The following AKAP12 variants were observed in gnomAD, a reference collection of about 807,000 sequenced individuals.
AKAP12 encodes A-kinase anchor protein 12.
In AKAP12, 32 loss-of-function variants were observed where a neutral mutation model predicts 79.9. That is an observed-to-expected ratio of 0.40 (90% CI 0.30 to 0.54). AKAP12 has a LOEUF of 0.54. AKAP12 is among the 20% of genes least tolerant of loss of function. AKAP12 has a pLI of 0.48. For missense variants in AKAP12, 2,074 were observed against 2,177.0 expected (o/e 0.95, Z 0.94); for synonymous variants, 808 against 857.0 (o/e 0.94, Z 1.00).
At chr6:151,306,618 A>G (rs1391078405) in intron 3 of AKAP12, among the ~76,000 whole-genome samples, 6 of 152,204 alleles carry the variant, frequency 3.9e-5, no homozygotes, top group Admixed American at 6.5e-5. Context: ...TGTAATATGA[A>G]TAAGAGAGAC....
intron 2 of AKAP12, among the ~76,000 whole-genome samples, chr6:151,251,137 C>T (rs936382622): frequency 7.2e-5 from 11 of 152,058 alleles, no homozygotes; most frequent in African/African-American, 2.4e-4. Context: ...AGATAAGAGG[C>T]CATTAGTCAG....
At chr6:151,309,997 G>C (rs73617468) in intron 3 of AKAP12, among the ~76,000 whole-genome samples, 3 of 151,354 alleles carry the variant, frequency 2.0e-5, no homozygotes. Flanking sequence ...AAAAAGAAAA[G>C]CTCCCTTTCC....
rs1182877543 is a variant in AKAP12 at position 151,352,423 on chromosome 6, G to A, written c.4032G>A (p.Glu1344=). 1 of 1,614,178 alleles carries A rather than the reference G, an allele frequency of 6.2e-7. No homozygotes were observed. The highest frequency in any genetic ancestry group is 1.7e-5 in the Admixed American group (1 of 60,024). The change falls in exon 4 of 5, where the codon GAG becomes GAA. Residue 1344 remains glutamate, a synonymous_variant. Coordinates refer to ENST00000402676, the MANE Select transcript of AKAP12 (RefSeq NM_005100.4). ...AGATGGTAGTTCAAGTCGAAAGGGA[G>A]AAAACAGAAGCAGAGCCAACCCATG... is the stretch of plus-strand genomic sequence containing the variant. The part of the protein sequence containing the change: ...EREMVVQVER[E]KTEAEPTHVN...
At position 151,241,667 on chromosome 6, in the gene AKAP12, A is replaced by C. The variant is rs1796979532; in HGVS notation, c.162+943A>C. On this transcript the variant is annotated intron_variant, in intron 2 of 4. Transcript: ENST00000402676. ...CGCATGTGTTCATTAGCAAGGCTTC[A>C]CTCTACTGATTTTGTGATACCCTTG... Among the ~76,000 whole-genome samples, 4 of 152,120 alleles carry C rather than the reference A, an allele frequency of 2.6e-5. No individual in the cohort carries two copies. The South Asian group carries it at 8.3e-4, about 32-fold the overall frequency.
chr6:151,305,975 C>A, intron 3 of AKAP12, 72 bp downstream of exon 3: 1 of 1,455,700 alleles, frequency 6.9e-7, no homozygotes, highest in Non-Finnish European at 9.3e-7. Context: ...AGAAAATACT[C>A]TGTCATACTG....
chr6:151,276,469 T>A (rs1432186576), intron 2 of AKAP12, among the ~76,000 whole-genome samples: 2 of 152,260 alleles, frequency 1.3e-5, no homozygotes, highest in Non-Finnish European at 2.9e-5. Context: ...AAAACATGTC[T>A]GTAGTTTTTG....
intron 2 of AKAP12, among the ~76,000 whole-genome samples, chr6:151,252,286 C>G (rs899833398): frequency 5.3e-5 from 8 of 151,940 alleles, no homozygotes; most frequent in African/African-American, 1.9e-4. Context: ...GCACCCCCGC[C>G]TCCCGGGTTC....
intron 2 of AKAP12, among the ~76,000 whole-genome samples, chr6:151,296,942 G>A (rs770170865): frequency 4.6e-5 from 7 of 151,078 alleles, no homozygotes; most frequent in Non-Finnish European, 7.4e-5. Context: ...TTTAGCCTCC[G>A]TCTTATTTTC....
intron 2 of AKAP12, among the ~76,000 whole-genome samples, chr6:151,280,319 A>G (rs910220070): frequency 1.3e-5 from 2 of 152,006 alleles, no homozygotes; most frequent in African/African-American, 4.8e-5. Flanking sequence ...AATTATGTAT[A>G]ATATACATAT....
chr6:151,259,190 G>A (rs369077566), intron 2 of AKAP12, among the ~76,000 whole-genome samples: 2 of 150,738 alleles, frequency 1.3e-5, no homozygotes, highest in Non-Finnish European at 2.9e-5. Context: ...GATTACAGGC[G>A]CCTGCCACCA....
In AKAP12 at chr6:151,349,780, G is replaced by C; in HGVS notation, c.1389G>C (p.Leu463=). ...AGGAAGCTGAACCTGCCAAGGAGCTGGTGAAGCTCAAAGAAACGTGTGTTT... is the reference window on the plus strand; with the variant it reads ...AGGAAGCTGAACCTGCCAAGGAGCTCGTGAAGCTCAAAGAAACGTGTGTTT... ...EPQEAEPAKE[L]VKLKETCVSG... is the part of the protein sequence containing the mutation. Residue 463 remains leucine, a synonymous_variant, in exon 4 of 5, where the codon CTG becomes CTC. Transcript: ENST00000402676. The C allele has an allele frequency of 2.5e-6, 4 of 1,614,040 alleles. No individual in the cohort carries two copies. The highest frequency in any genetic ancestry group is 2.5e-6 in the Non-Finnish European group (3 of 1,179,978).
At chr6:151,300,901 C>T (rs914345505) in intron 2 of AKAP12, among the ~76,000 whole-genome samples, 3 of 152,018 alleles carry the variant, frequency 2.0e-5, no homozygotes, top group Non-Finnish European at 2.9e-5. Context: ...CTGGTGCTTA[C>T]CATGTTTAAG....
intron 3 of AKAP12, among the ~76,000 whole-genome samples, chr6:151,335,435 G>T (rs1443363635): frequency 1.3e-5 from 2 of 152,026 alleles, no homozygotes; most frequent in Non-Finnish European, 2.9e-5. Flanking sequence ...TATAGGTGAG[G>T]ACACTAAGAA....
At chr6:151,286,183 A>G (rs1776501471) in intron 2 of AKAP12, among the ~76,000 whole-genome samples, 1 of 152,204 alleles carries the variant, frequency 6.6e-6, no homozygotes, top group Non-Finnish European at 1.5e-5. Context: ...TTTTTAAAAG[A>G]TTAAGGCAAC....
rs755090086 is a variant in AKAP12, at chr6:151,350,193, A to T, written c.1802A>T (p.Glu601Val). ...EAEEGATSDG[E>V]KKREGVTPWA... ...GAAGAAGGAGCTACTTCCGATGGAG[A>T]GAAAAAAAGAGAAGGTGTCACTCCC... is the stretch of plus-strand genomic sequence containing the variant. The change falls in exon 4 of 5, where the codon GAG becomes GTG. Residue 601 changes from glutamate to valine, a missense_variant. Glu to Val is a moderately radical substitution (Grantham distance 121). This residue lies in a region of AKAP12 where 1,428 missense variants were observed against 1,451.0 expected (regional missense o/e 0.98). Transcript: ENST00000402676. This position sits in a 1 kb window ranked among gnomAD's most constrained non-coding sequence, Gnocchi z 4.8. The T allele has an allele frequency of 9.3e-6, 15 of 1,613,796 alleles. No individual in the cohort carries two copies. The highest frequency in any genetic ancestry group is 1.2e-5 in the Non-Finnish European group (14 of 1,179,950).
intron 2 of AKAP12, 104 bp downstream of exon 2, chr6:151,240,828 C>A: frequency 2.1e-6 from 2 of 964,082 alleles, no homozygotes; most frequent in Non-Finnish European, 1.3e-6. Flanking sequence ...CTTCCCAGCC[C>A]ATCCAGCCGC....
intron 2 of AKAP12, among the ~76,000 whole-genome samples, chr6:151,244,050 G>A (rs1031980338): frequency 1.3e-5 from 2 of 152,040 alleles, no homozygotes; most frequent in Non-Finnish European, 2.9e-5. Flanking sequence ...GCTGGACATT[G>A]AACAATGGTC....
chr6:151,309,972 GA>G (rs57958959), intron 3 of AKAP12, among the ~76,000 whole-genome samples: 4,990 of 139,222 alleles, frequency 0.036, 146 homozygotes, highest in African/African-American at 0.088. Flanking sequence ...CCGAAAAGAT[GA>G]AAAAAAAAAA....
chr6:151,240,302 T>C (rs949789355), intron 1 of AKAP12, 82 bp from the exon 2 acceptor site: 32 of 316,412 alleles, frequency 1.0e-4, no homozygotes, highest in African/African-American at 6.3e-4. Context: ...GCTGTGCTCA[T>C]GTGATGAAGC....
Sources: gnomAD v4.1 joint callset for allele counts (sites outside exome capture counted in the v4.1 genomes callset) on GRCh38, gnomAD v4.1.1 for gene constraint, gnomAD v4.1.1 regional missense constraint, Gnocchi (gnomAD v3.1) non-coding constraint, MANE v1.5 for transcripts, NCBI Gene and HGNC (gene_info 2026-07-23, HGNC 2026-07-21) for gene names.